DNAJB1: variants seen among roughly 807,000 people sequenced by gnomAD.
DNAJB1 encodes the protein DnaJ heat shock protein family (Hsp40) member B1, also known as dnaJ homolog subfamily B member 1.
In DNAJB1, 14 loss-of-function variants were observed where a neutral mutation model predicts 24.0. That is an observed-to-expected ratio of 0.58 (90% CI 0.39 to 0.91). The LOEUF is 0.91. DNAJB1 is among the 40% of genes least tolerant of loss of function. The pLI is 0.00. For missense variants in DNAJB1, 517 were observed against 458.1 expected (o/e 1.13, Z -1.17); for synonymous variants, 262 against 174.4 (o/e 1.50, Z -3.96).
At chr19:14,551,566 G>C (rs1489407395), upstream of DNAJB1, among the ~76,000 whole-genome samples, 1 of 152,138 alleles carries the variant, frequency 6.6e-6, no homozygotes, top group African/African-American at 2.4e-5. Flanking sequence ...TTGAGGACGC[G>C]CCCCTGCTTT....
chr19:14,532,753 A>C (rs562952166), upstream of DNAJB1, among the ~76,000 whole-genome samples: 2 of 152,304 alleles, frequency 1.3e-5, no homozygotes, highest in East Asian at 1.9e-4. Flanking sequence ...GTCAGTAAAA[A>C]TAGAAAGGAT....
At position 14,516,101 on chromosome 19, in the gene DNAJB1, C is replaced by T; in HGVS notation, c.862G>A (p.Val288Ile). 6.2e-7 allele frequency: 1 copy of T among 1,613,878 alleles called. No homozygotes were observed. Among genetic ancestry groups the T allele is most frequent in the South Asian group, 1.1e-5 (1 of 91,068 alleles). Residue 288 changes from valine to isoleucine, a missense_variant, in exon 3 of 3, where the codon GTT becomes ATT. Physicochemically the swap from Val to Ile is conservative, Grantham distance 29 (BLOSUM62 3). Coordinates refer to ENST00000254322, the MANE Select transcript of DNAJB1 (RefSeq NM_006145.3). ...GRTIPVVFKDVIRPGMRRKVP... is the reference protein window; with the variant it reads ...GRTIPVVFKDIIRPGMRRKVP... ...TTTCGCCGCATGCCAGGCCTGATAA[C>T]ATCTTTGAATACGACGGGTATCGTC...
rs756147651 is a variant in DNAJB1, at chr19:14,518,233, G to A, written c.117C>T (p.Pro39=). 1.5e-5 allele frequency: 24 copies of A among 1,609,440 alleles called. 1 individual carries two copies. The highest frequency in any genetic ancestry group is 1.2e-4 in the South Asian group (11 of 90,698). Residue 39 remains proline (P), a synonymous_variant, in exon 1 of 3, where the codon CCC becomes CCT. Coordinates refer to ENST00000254322, the MANE Select transcript of DNAJB1 (RefSeq NM_006145.3). ...TCTCCTTGAACTTCTCCTCGGCGCC[G>A]GGCTCCTTGTTCTTGTCCGGGTGGT... The part of the protein sequence containing the change: ...LRYHPDKNKE[P]GAEEKFKEIA...
chr19:14,531,555 C>T (rs566713476), upstream of DNAJB1: 14 of 151,250 alleles, frequency 9.3e-5, no homozygotes, highest in Admixed American at 2.6e-4. Flanking sequence ...CCTGAGTAGC[C>T]GGAATTACAG....
At chr19:14,539,483 G>A (rs1394692374) in intron 1 of DNAJB1, among the ~76,000 whole-genome samples, 2 of 152,036 alleles carry the variant, frequency 1.3e-5, no homozygotes, top group African/African-American at 4.8e-5. Context: ...CACTGCTTCT[G>A]TTCCTGCTCC....
upstream of DNAJB1, among the ~76,000 whole-genome samples, chr19:14,552,128 C>A (rs915186428): frequency 2.7e-5 from 4 of 150,654 alleles, no homozygotes; most frequent in African/African-American, 9.7e-5. Flanking sequence ...CATGAGCCAC[C>A]GCGCCTGGCC....
chr19:14,529,890 A>G, upstream of DNAJB1: 1 of 854,410 alleles, frequency 1.2e-6, no homozygotes, highest in Non-Finnish European at 1.9e-6. Context: ...GCATGTGCGC[A>G]GGAAGTATTT....
intron 1 of DNAJB1, among the ~76,000 whole-genome samples, chr19:14,528,114 C>T (rs1350527014): frequency 6.6e-6 from 1 of 152,016 alleles, no homozygotes; most frequent in Non-Finnish European, 1.5e-5. Context: ...GAATTCCTGA[C>T]CTCATGTGAT....
chr19:14,530,530 G>T (rs972696959), upstream of DNAJB1: 11 of 152,160 alleles, frequency 7.2e-5, no homozygotes, highest in African/African-American at 2.4e-4. Context: ...GCTTACTCTT[G>T]TGCTGGTGAG....
Position 14,537,741 on chromosome 19 carries a change from A to C in DNAJB1, c.-213-9931T>G, listed in dbSNP as rs1444440786. Reference sequence around the variant, plus strand: ...ACGGTGAATATAGTGCTTAATTATCAGTGTTTTTTTTTTTTTTTTTTTGAG... The same window carrying C: ...ACGGTGAATATAGTGCTTAATTATCCGTGTTTTTTTTTTTTTTTTTTTGAG... On this transcript the variant is annotated intron_variant, in intron 1 of 3. Coordinates refer to the DNAJB1 transcript ENST00000676982. Among the ~76,000 whole-genome samples, 22 of 125,252 alleles carry C rather than the reference A, an allele frequency of 1.8e-4. No individual in the cohort carries two copies. In the Admixed American group the frequency reaches 1.9e-3, roughly 11 times the overall value. 82.2% of individuals were successfully genotyped at this position (125,252 alleles called of 152,430 possible).
rs1333849588 is a variant in DNAJB1, at chr19:14,516,056, G to A, written c.907C>T (p.Pro303Ser). 1 of 1,613,586 alleles carries A rather than the reference G, an allele frequency of 6.2e-7. No homozygotes were observed. Among genetic ancestry groups the A allele is most frequent in the Non-Finnish European group, 8.5e-7 (1 of 1,179,820 alleles). The change falls in exon 3 of 3, where the codon CCC becomes TCC. Residue 303 changes from proline to serine, a missense_variant. Pro to Ser is a moderately conservative substitution (Grantham distance 74, BLOSUM62 -1). Coordinates refer to ENST00000254322, the MANE Select transcript of DNAJB1 (RefSeq NM_006145.3). The stretch of plus-strand genomic sequence containing the variant: ...CGTTTCTCGGGTGTTTTGGGGAGGG[G>A]GAGGCCTTCTCCAGGAACTTTTCGC... ...MRRKVPGEGL[P>S]LPKTPEKRGD...
At chr19:14,524,861 T>A in intron 2 of DNAJB1, among the ~76,000 whole-genome samples, 1 of 76,522 alleles carries the variant, frequency 1.3e-5, no homozygotes, top group Non-Finnish European at 2.5e-5. Flanking sequence ...AAAAAGACCT[T>A]CAAAAAGCGC....
At chr19:14,549,211 CTTTT>C (rs561284094) in intron 1 of DNAJB1, among the ~76,000 whole-genome samples, 1 of 111,160 alleles carries the variant, frequency 9.0e-6, no homozygotes, top group Non-Finnish European at 1.8e-5. Context: ...TTTAATTGGA[CTTTT>C]TTTTTTTTTT....
chr19:14,553,921 G>A (rs908331080), upstream of DNAJB1, among the ~76,000 whole-genome samples: 1 of 152,168 alleles, frequency 6.6e-6, no homozygotes, highest in Non-Finnish European at 1.5e-5. Context: ...GCACTGACCA[G>A]GGCTCGCACC....
chr19:14,523,189 G>C (rs1335849947), upstream of DNAJB1, among the ~76,000 whole-genome samples: 1 of 152,086 alleles, frequency 6.6e-6, no homozygotes, highest in Non-Finnish European at 1.5e-5. Flanking sequence ...CTGGGCAACA[G>C]AGCCAGACTC....
At chr19:14,532,816 G>T (rs1417921455), upstream of DNAJB1, among the ~76,000 whole-genome samples, 1 of 151,984 alleles carries the variant, frequency 6.6e-6, no homozygotes. Context: ...CTACATCAAA[G>T]AATATATTTC....
At chr19:14,517,091 TCTCTCTCGAGCTTCC>T (rs1599380310) in intron 1 of DNAJB1, 45 bp from the exon 2 acceptor site, 3 of 1,552,068 alleles carry the variant, frequency 1.9e-6, no homozygotes, top group Non-Finnish European at 2.6e-6. Context: ...AACAGCAGAC[TCTCTCTCGAGCTTCC>T]CTTACAGGGG....
chr19:14,529,511 C>T (rs1568387837), upstream of DNAJB1: 9 of 770,078 alleles, frequency 1.2e-5, no homozygotes, highest in South Asian at 5.8e-5. Flanking sequence ...CCCCAAGGAG[C>T]AGGGGCGAAC....
chr19:14,558,060 T>G (rs1028708520), intron 1 of DNAJB1, among the ~76,000 whole-genome samples: 5 of 152,154 alleles, frequency 3.3e-5, no homozygotes, highest in African/African-American at 1.2e-4. Flanking sequence ...CGGCCTATAT[T>G]TATCCTTAAT....
Sources: allele counts gnomAD v4.1 joint callset (sites outside exome capture counted in the v4.1 genomes callset), GRCh38; gene constraint gnomAD v4.1.1; transcripts MANE v1.5; gene names NCBI Gene and HGNC (gene_info 2026-07-23, HGNC 2026-07-21).